Variants in EVI5 observed in about 807,000 individuals in gnomAD.
EVI5 encodes the protein ecotropic viral integration site 5 protein homolog.
Under a neutral mutation model 112.0 loss-of-function variants are expected in EVI5, and 73 were observed. The ratio of observed to expected loss-of-function variants is 0.65; its 90% CI spans 0.54 to 0.79. The LOEUF (loss-of-function observed/expected upper bound fraction) is 0.79. EVI5 is among the 30% of genes least tolerant of loss of function. The pLI, the probability that EVI5 is intolerant of heterozygous loss-of-function variation, is 0.00. For missense variants in EVI5, 900 were observed against 968.8 expected, an observed-to-expected ratio of 0.93 and a Z score of 0.94; for synonymous variants, 305 against 319.9, an observed-to-expected ratio of 0.95 and a Z score of 0.50.
chr1:92,588,744 A>C (rs1187230642), intron 18 of EVI5, among the ~76,000 whole-genome samples: 3 of 152,262 alleles, frequency 2.0e-5, no homozygotes, highest in African/African-American at 7.2e-5. Context: ...AAATATCTAC[A>C]AAATTGAAAC....
Position 92,709,036 on chromosome 1 carries a change from A to G in EVI5, c.150-4292T>C, listed in dbSNP as rs147523271. On this transcript the variant is annotated intron_variant, in intron 2 of 19. Transcript: ENST00000684568. ...AATTCTAAAATTGATTGTGTTGACA[A>G]TTGCACAATTCTGTGAGTAGACAAA... 1.6e-4 allele frequency among the ~76,000 whole-genome samples: 24 copies of G among 152,330 alleles called. No homozygotes were observed. The East Asian group carries it at 3.7e-3, about 23-fold the overall frequency.
intron 16 of EVI5, chr1:92,622,441 G>C (rs1654799852): frequency 9.8e-6 from 3 of 306,184 alleles, no homozygotes; most frequent in Non-Finnish European, 6.4e-6. Flanking sequence ...AAGCAAGAAT[G>C]TTCAGAGTAG....
intron 13 of EVI5, among the ~76,000 whole-genome samples, chr1:92,637,334 T>C (rs1037764821): frequency 6.7e-6 from 1 of 149,394 alleles, no homozygotes; most frequent in African/African-American, 2.5e-5. Context: ...GCCAAGATCA[T>C]GCCACTGTAC....
At chr1:92,631,266 T>C (rs1657019667) in intron 14 of EVI5, among the ~76,000 whole-genome samples, 1 of 152,202 alleles carries the variant, frequency 6.6e-6, no homozygotes, top group African/African-American at 2.4e-5. Context: ...TAAATTACCT[T>C]GGGCAGTATG....
At chr1:92,528,792 G>C (rs1011540869) in intron 19 of EVI5, among the ~76,000 whole-genome samples, 1 of 152,188 alleles carries the variant, frequency 6.6e-6, no homozygotes, top group Non-Finnish European at 1.5e-5. Flanking sequence ...GAGAGAGAGA[G>C]TGTGGGAGGA....
At chr1:92,635,409 C>G (rs1198358016) in intron 14 of EVI5, among the ~76,000 whole-genome samples, 2 of 152,182 alleles carry the variant, frequency 1.3e-5, no homozygotes, top group African/African-American at 2.4e-5. Context: ...TCGCTGCCGC[C>G]TTGCAGTTTG....
At chr1:92,560,065 CTTTCT>C (rs1450248713) in intron 19 of EVI5, among the ~76,000 whole-genome samples, 2 of 152,170 alleles carry the variant, frequency 1.3e-5, no homozygotes, top group Non-Finnish European at 2.9e-5. Context: ...ACAGTAAGAA[CTTTCT>C]TCACTGCTTA....
At chr1:92,612,474 C>A (rs956649734) in intron 16 of EVI5, among the ~76,000 whole-genome samples, 6 of 151,852 alleles carry the variant, frequency 4.0e-5, no homozygotes, top group Non-Finnish European at 7.4e-5. Context: ...TTTGGGAGGC[C>A]GAGGCGGGAG....
At chr1:92,715,529 C>T (rs922912182) in intron 2 of EVI5, among the ~76,000 whole-genome samples, 27 of 152,298 alleles carry the variant, frequency 1.8e-4, no homozygotes, top group African/African-American at 6.3e-4. Context: ...TGGTCTGCAG[C>T]TCCCAGCGTG....
rs760656036 is a variant in EVI5 at position 92,703,535 on chromosome 1, C to T, written c.424G>A (p.Asp142Asn). The T allele has an allele frequency of 4.4e-6, 7 of 1,601,978 alleles. No homozygotes were observed. The South Asian group carries it at 6.8e-5, about 16-fold the overall frequency. ...LCSAQSMPIK[D>N]QYSELLKMTS... is the part of the protein sequence containing the mutation. ...ATTTTCAGGAGTTCTGAATACTGATCCTTAATTGGCATACTTTGTGCACTG... is the reference window on the plus strand; with the variant it reads ...ATTTTCAGGAGTTCTGAATACTGATTCTTAATTGGCATACTTTGTGCACTG... Residue 142 changes from aspartate to asparagine, a missense_variant, in exon 4 of 20, where the codon GAT becomes AAT. Transcript: ENST00000684568.
intron 17 of EVI5, among the ~76,000 whole-genome samples, chr1:92,606,923 C>G (rs1332501882): frequency 1.8e-5 from 1 of 56,874 alleles, no homozygotes; most frequent in Non-Finnish European, 4.6e-5. Context: ...CACACACACA[C>G]CCCCCCAAAC....
At chr1:92,539,009 TGGA>T (rs981246910) in intron 19 of EVI5, among the ~76,000 whole-genome samples, 3 of 152,192 alleles carry the variant, frequency 2.0e-5, no homozygotes, top group African/African-American at 7.2e-5. Flanking sequence ...ACTGAGGCAG[TGGA>T]GTAGTGTCAT....
At chr1:92,670,379 T>C (rs564458687) in intron 10 of EVI5, among the ~76,000 whole-genome samples, 2 of 152,338 alleles carry the variant, frequency 1.3e-5, no homozygotes, top group East Asian at 3.9e-4. Context: ...TGAGACAGTC[T>C]AGTGATCCCA....
At chr1:92,725,891 T>C (rs1045143309) in intron 2 of EVI5, among the ~76,000 whole-genome samples, 1 of 152,192 alleles carries the variant, frequency 6.6e-6, no homozygotes, top group African/African-American at 2.4e-5. Flanking sequence ...AAAAGTTTAA[T>C]AGAGACATAT....
chr1:92,791,424 G>A (rs1481961612), intron 1 of EVI5, among the ~76,000 whole-genome samples: 1 of 152,170 alleles, frequency 6.6e-6, no homozygotes, highest in Non-Finnish European at 1.5e-5. Flanking sequence ...TGACAGTTAA[G>A]TGGAATAATA....
rs200137327 is a variant in EVI5 at position 92,628,250 on chromosome 1, T to C, written c.1528-2316A>G. Among the ~76,000 whole-genome samples, 29 of 152,356 alleles carry C rather than the reference T, an allele frequency of 1.9e-4. No homozygotes were observed. In the East Asian group the frequency reaches 5.6e-3, roughly 29 times the overall value. On this transcript the variant is annotated intron_variant, in intron 14 of 19. Coordinates refer to ENST00000684568, the MANE Select transcript of EVI5 (RefSeq NM_001350197.2). ...AGTCCTTTGTCACATGTATAGATTGTGAAGATTTTCTCCCACTCTGTGGGT... is the reference window on the plus strand; with the variant it reads ...AGTCCTTTGTCACATGTATAGATTGCGAAGATTTTCTCCCACTCTGTGGGT...
chr1:92,777,918 T>A (rs986117994), intron 1 of EVI5, among the ~76,000 whole-genome samples: 33 of 151,494 alleles, frequency 2.2e-4, no homozygotes, highest in African/African-American at 8.0e-4. Context: ...TCTTTTTTTT[T>A]TTTTTTTTGT....
At chr1:92,768,941 G>A (rs555886670) in intron 1 of EVI5, among the ~76,000 whole-genome samples, 21 of 152,204 alleles carry the variant, frequency 1.4e-4, no homozygotes, top group African/African-American at 4.8e-4. Flanking sequence ...GTGTCTCACT[G>A]TATTCTCCCT....
rs767459681 is a variant in EVI5, at chr1:92,690,518, C to CT, written c.1097+3283dup. Among the ~76,000 whole-genome samples the CT allele has an allele frequency of 2.0e-3, 290 of 147,786 alleles. 1 individual carries two copies. The highest frequency in any genetic ancestry group is 6.9e-3 in the African/African-American group (277 of 40,376). ...CCACCATACCTGGCTAATTTTTGGTCTTTTTTTTTTCTATACAGTCAGGAT... is the reference window on the plus strand; with the variant it reads ...CCACCATACCTGGCTAATTTTTGGTCTTTTTTTTTTTCTATACAGTCAGGAT... On this transcript the variant is annotated intron_variant, in intron 9 of 19. Transcript: ENST00000684568.
Sources: allele counts gnomAD v4.1 joint callset (sites outside exome capture counted in the v4.1 genomes callset), GRCh38; gene constraint gnomAD v4.1.1; transcripts MANE v1.5; gene names NCBI Gene and HGNC (gene_info 2026-07-23, HGNC 2026-07-21).